Variants in MANBA observed in about 807,000 individuals in gnomAD.
The protein encoded by MANBA is mannosidase beta.
MANBA carries 83 observed loss-of-function variants against 111.1 expected under a neutral mutation model. The ratio of observed to expected loss-of-function variants is 0.75; its 90% CI spans 0.63 to 0.90. The LOEUF (loss-of-function observed/expected upper bound fraction) is 0.90, where lower values mean the gene tolerates loss of function less well. MANBA is among the 40% of genes least tolerant of loss of function. The pLI is 0.00. For synonymous variants in MANBA, 370 were observed against 378.7 expected, an observed-to-expected ratio of 0.98 and a Z score of 0.27; for missense variants, 1,036 against 1,069.0, an observed-to-expected ratio of 0.97 and a Z score of 0.43.
chr4:102,705,506 G>C (rs1485117138), intron 5 of MANBA, among the ~76,000 whole-genome samples: 4 of 152,120 alleles, frequency 2.6e-5, no homozygotes, highest in African/African-American at 7.2e-5. Flanking sequence ...CTCAGGAGCA[G>C]GGCTGCTGCA....
intron 13 of MANBA, among the ~76,000 whole-genome samples, chr4:102,646,880 T>C (rs1381277445): frequency 6.6e-6 from 1 of 152,068 alleles, no homozygotes; most frequent in Non-Finnish European, 1.5e-5. Context: ...AAAGAGAAGA[T>C]AGGGAAGGAT....
chr4:102,706,719 G>GT (rs1186359127), intron 5 of MANBA, among the ~76,000 whole-genome samples: 3 of 151,866 alleles, frequency 2.0e-5, no homozygotes, highest in Non-Finnish European at 4.4e-5. Flanking sequence ...ACAATTCAAA[G>GT]TATCAATAAG....
intron 11 of MANBA, among the ~76,000 whole-genome samples, chr4:102,661,425 G>A (rs1049484185): frequency 2.0e-5 from 3 of 152,198 alleles, no homozygotes; most frequent in Non-Finnish European, 2.9e-5. Context: ...CATCGGGAAT[G>A]AGGCTTTGCT....
chr4:102,723,300 G>A (rs1219311676), intron 3 of MANBA, among the ~76,000 whole-genome samples: 1 of 152,140 alleles, frequency 6.6e-6, no homozygotes, highest in Admixed American at 6.5e-5. Context: ...CAAAATGATG[G>A]TCCTAGGGAA....
intron 13 of MANBA, among the ~76,000 whole-genome samples, chr4:102,644,734 A>C (rs1730025476): frequency 6.6e-6 from 1 of 152,124 alleles, no homozygotes; most frequent in African/African-American, 2.4e-5. Context: ...TGTATATTTG[A>C]AAATTGCTAA....
intron 3 of MANBA, among the ~76,000 whole-genome samples, chr4:102,723,604 G>C (rs1722670610): frequency 6.6e-6 from 1 of 152,170 alleles, no homozygotes; most frequent in Admixed American, 6.5e-5. Flanking sequence ...GGCATGTTTT[G>C]AACACTTCCT....
rs1420505450 is a variant in MANBA, at chr4:102,726,447, C to T, written c.272+142G>A. ...TACAAGGCTTTCATCTTACTTAACT[C>T]TCAGATATGTAACCTAAACAAACAA... On this transcript the variant is annotated intron_variant, in intron 2 of 16. Transcript: ENST00000647097. 3 of 617,580 alleles carry T rather than the reference C, an allele frequency of 4.9e-6. No individual in the cohort carries two copies. In the African/African-American group the frequency reaches 5.6e-5, roughly 12 times the overall value. The allele number at this position is 617,580 out of a possible 1,614,324, so 38.3% of individuals were successfully genotyped here.
intron 1 of MANBA, among the ~76,000 whole-genome samples, chr4:102,756,372 G>C (rs1724017203): frequency 6.6e-6 from 1 of 152,120 alleles, no homozygotes; most frequent in African/African-American, 2.4e-5. Flanking sequence ...ACTATCACAA[G>C]GACAGAAAAC....
chr4:102,696,195 C>T (rs1181063211), intron 5 of MANBA, among the ~76,000 whole-genome samples: 1 of 152,142 alleles, frequency 6.6e-6, no homozygotes, highest in Non-Finnish European at 1.5e-5. Context: ...CACTACACTC[C>T]AGCCTGTGCA....
intron 2 of MANBA, among the ~76,000 whole-genome samples, chr4:102,726,101 A>G (rs556523944): frequency 7.4e-6 from 1 of 134,948 alleles, no homozygotes; most frequent in South Asian, 2.5e-4. Context: ...AATAATTACC[A>G]AAAAAAAAAA....
At position 102,631,089 on chromosome 4, in the gene MANBA, A is replaced by T. The variant is rs1186125423; in HGVS notation, c.*968T>A. On this transcript the variant is annotated 3_prime_UTR_variant, in exon 17 of 17. Coordinates refer to ENST00000647097, the MANE Select transcript of MANBA (RefSeq NM_005908.4). Reference sequence around the variant, plus strand: ...CGGAGTCCCAGCCCTAAGTCCCCTTATCCCCTTGATAAGGCTTTGTGTGTG... The same window carrying T: ...CGGAGTCCCAGCCCTAAGTCCCCTTTTCCCCTTGATAAGGCTTTGTGTGTG... 6.7e-6 allele frequency: 1 copy of T among 149,452 alleles called. No individual in the cohort carries two copies. Among genetic ancestry groups the T allele is most frequent in the African/African-American group, 2.5e-5 (1 of 39,756 alleles). 9.3% of individuals were successfully genotyped at this position (149,452 alleles called of 1,614,324 possible).
chr4:102,727,287 T>C (rs1722847265), intron 1 of MANBA: 1 of 579,196 alleles, frequency 1.7e-6, no homozygotes, highest in Non-Finnish European at 3.2e-6. Flanking sequence ...CTTCTGCTCT[T>C]TCTGTTTGCT....
chr4:102,754,536 T>C (rs147836132), intron 1 of MANBA, among the ~76,000 whole-genome samples: 1 of 151,574 alleles, frequency 6.6e-6, no homozygotes, highest in African/African-American at 2.4e-5. Flanking sequence ...TGTGAAAGAG[T>C]TGTTATTTAT....
At chr4:102,735,518 T>C (rs878885479) in intron 1 of MANBA, among the ~76,000 whole-genome samples, 1 of 65,924 alleles carries the variant, frequency 1.5e-5, no homozygotes, top group Non-Finnish European at 3.1e-5. Context: ...TAAGAGAAAA[T>C]ACCAAAAAAA....
At chr4:102,633,304 C>T (rs915146093) in intron 16 of MANBA, 21 of 398,630 alleles carry the variant, frequency 5.3e-5, no homozygotes, top group African/African-American at 3.3e-4. Context: ...AAGGTTCATG[C>T]GGCTCATGCC....
At chr4:102,645,350 T>C (rs1730057637) in intron 13 of MANBA, among the ~76,000 whole-genome samples, 1 of 152,110 alleles carries the variant, frequency 6.6e-6, no homozygotes, top group African/African-American at 2.4e-5. Context: ...TGTCTGGTTT[T>C]GGTATCACAG....
chr4:102,634,637 T>C, intron 16 of MANBA, 151 bp downstream of exon 16: 2 of 1,025,836 alleles, frequency 1.9e-6, no homozygotes, highest in Admixed American at 3.9e-5. Flanking sequence ...TGTTTGCTTT[T>C]AGTGGGAAGA....
At chr4:102,760,245 T>C (rs994571384) in intron 1 of MANBA, among the ~76,000 whole-genome samples, 2 of 152,194 alleles carry the variant, frequency 1.3e-5, no homozygotes, top group African/African-American at 4.8e-5. Flanking sequence ...CTGTGCTGCG[T>C]CAATCCCAAA....
chr4:102,702,868 A>G (rs954291949), intron 5 of MANBA, among the ~76,000 whole-genome samples: 3 of 152,214 alleles, frequency 2.0e-5, no homozygotes, highest in Admixed American at 1.3e-4. Flanking sequence ...AGATGACAGT[A>G]TCTCTTTCTA....
Sources: gnomAD v4.1 joint callset for allele counts (sites outside exome capture counted in the v4.1 genomes callset) on GRCh38, gnomAD v4.1.1 for gene constraint, MANE v1.5 for transcripts, NCBI Gene and HGNC (gene_info 2026-07-23, HGNC 2026-07-21) for gene names.